ACSL1: variants seen among roughly 807,000 people sequenced by gnomAD.
ACSL1 encodes acyl-CoA synthetase long chain family member 1, also known as long-chain-fatty-acid--CoA ligase 1.
A neutral mutation model predicts 98.4 loss-of-function variants in ACSL1; 41 were observed. The ratio of observed to expected loss-of-function variants is 0.42; its 90% confidence interval spans 0.32 to 0.54. ACSL1 has a LOEUF of 0.54. Among genes scored for constraint, ACSL1 ranks in the 20% least tolerant of loss-of-function variants. The pLI is 0.13. For missense variants in ACSL1, 734 were observed against 883.1 expected (o/e 0.83, Z 2.14); for synonymous variants, 316 against 322.7 (o/e 0.98, Z 0.22).
Position 184,756,991 on chromosome 4 carries a change from A to G in ACSL1, c.*134T>C. ...TTCCTCTAGCATTCCTATGAGAAGA[A>G]CCCCGAATGGACAAGTCAAACACGA... On this transcript the variant is annotated 3_prime_UTR_variant, in exon 21 of 21. Transcript: ENST00000281455. 1 of 1,142,284 alleles carries G rather than the reference A, an allele frequency of 8.8e-7. No homozygotes were observed. The highest frequency in any genetic ancestry group is 1.2e-6 in the Non-Finnish European group (1 of 824,454). 70.8% of individuals were successfully genotyped at this position (1,142,284 alleles called of 1,614,324 possible). A position where few individuals can be genotyped will look rare whatever the true frequency, so the allele number is the denominator to read the frequency against.
At chr4:184,776,692 A>G (rs1219426697) in intron 6 of ACSL1, 30 bp from the exon 7 acceptor site, 2 of 1,594,124 alleles carry the variant, frequency 1.3e-6, no homozygotes, top group Non-Finnish European at 1.7e-6. Context: ...ATGAAGAATA[A>G]GCTCTGGGAT....
At chr4:184,823,307 T>G (rs1039114650) in intron 1 of ACSL1, among the ~76,000 whole-genome samples, 1 of 152,250 alleles carries the variant, frequency 6.6e-6, no homozygotes. Flanking sequence ...AGGAGCCTCA[T>G]GCACTGCATC....
intron 3 of ACSL1, among the ~76,000 whole-genome samples, chr4:184,787,910 G>A (rs932715769): frequency 9.9e-5 from 15 of 151,964 alleles, no homozygotes; most frequent in Middle Eastern, 3.4e-3. Context: ...GCTCACACCT[G>A]TAGTCCCAGT....
rs1773396818 is a variant in ACSL1, at chr4:184,825,432, T to A, written c.-33+484A>T. Among the ~76,000 whole-genome samples the A allele has an allele frequency of 6.6e-6, 1 of 151,802 alleles. No individual in the cohort carries two copies. Among genetic ancestry groups the A allele is most frequent in the East Asian group, 1.9e-4 (1 of 5,130 alleles). On this transcript the variant is annotated intron_variant, in intron 1 of 20. Coordinates refer to ENST00000281455, the MANE Select transcript of ACSL1 (RefSeq NM_001995.5). The surrounding 1 kb of genome is among the most constrained non-coding windows in gnomAD (Gnocchi z 4.7). Reference sequence around the variant, plus strand: ...GCCGCCGCGCTGCGTGGGGCCGGCATCTCAGCGGGCGCGAGTGCAGTCTCG... The same window carrying A: ...GCCGCCGCGCTGCGTGGGGCCGGCAACTCAGCGGGCGCGAGTGCAGTCTCG...
intron 3 of ACSL1, among the ~76,000 whole-genome samples, chr4:184,786,442 A>G (rs888584184): frequency 6.8e-6 from 1 of 146,160 alleles, no homozygotes; most frequent in Non-Finnish European, 1.5e-5. Context: ...ACACACACAC[A>G]CACACACACA....
At chr4:184,780,760 T>TA in intron 4 of ACSL1, among the ~76,000 whole-genome samples, 1 of 152,342 alleles carries the variant, frequency 6.6e-6, no homozygotes, top group Non-Finnish European at 1.5e-5. Flanking sequence ...TTAAAAATGA[T>TA]AGAGAGATGG....
chr4:184,825,761 G>A lies in ACSL1; in HGVS notation c.-33+155C>T, dbSNP rs1167939689. Among the ~76,000 whole-genome samples the A allele has an allele frequency of 6.7e-6, 1 of 149,778 alleles. No homozygotes were observed. Among genetic ancestry groups the A allele is most frequent in the Non-Finnish European group, 1.5e-5 (1 of 67,058 alleles). ...GGGCCGCGGGCAGGAGGCCGGAAAG[G>A]CGGCGCGGCCCCACGAGCCTGGGGT... On this transcript the variant is annotated intron_variant, in intron 1 of 20. Coordinates refer to ENST00000281455, the MANE Select transcript of ACSL1 (RefSeq NM_001995.5). The surrounding 1 kb of genome is among the most constrained non-coding windows in gnomAD (Gnocchi z 4.7).
chr4:184,776,780 T>C (rs1196420966), intron 6 of ACSL1, 104 bp downstream of exon 6: 5 of 1,485,168 alleles, frequency 3.4e-6, no homozygotes, highest in East Asian at 2.4e-5. Context: ...GGTAGATATA[T>C]ATTTACATGT....
intron 17 of ACSL1, among the ~76,000 whole-genome samples, chr4:184,761,832 C>A (rs1198347443): frequency 6.6e-6 from 1 of 150,810 alleles, no homozygotes; most frequent in Non-Finnish European, 1.5e-5. Context: ...TGATGTTAAG[C>A]ATCAAAACGG....
chr4:184,817,857 C>T (rs941442589), intron 1 of ACSL1, among the ~76,000 whole-genome samples: 7 of 152,180 alleles, frequency 4.6e-5, no homozygotes, highest in Non-Finnish European at 1.0e-4. Flanking sequence ...CGCCAGGCTC[C>T]AGGGCTGGCC....
chr4:184,824,648 A>T (rs528277817), intron 1 of ACSL1, among the ~76,000 whole-genome samples: 1 of 152,296 alleles, frequency 6.6e-6, no homozygotes, highest in South Asian at 2.1e-4. Flanking sequence ...AGTCAGAACA[A>T]GAAAGTAAGT....
At chr4:184,810,054 G>C (rs1771892587) in intron 1 of ACSL1, among the ~76,000 whole-genome samples, 1 of 152,186 alleles carries the variant, frequency 6.6e-6, no homozygotes, top group Non-Finnish European at 1.5e-5. Context: ...AATGATATTA[G>C]AACAGGAGAA....
At chr4:184,812,317 T>C in intron 1 of ACSL1, 1 of 775,836 alleles carries the variant, frequency 1.3e-6, no homozygotes. Flanking sequence ...CCTCTGTGAT[T>C]CTGACCGTGT....
At chr4:184,781,902 CGT>C (rs1766334020) in intron 4 of ACSL1, among the ~76,000 whole-genome samples, 1 of 152,210 alleles carries the variant, frequency 6.6e-6, no homozygotes, top group South Asian at 2.1e-4. Flanking sequence ...TGAGCCATAC[CGT>C]GCCTGGCCTG....
rs546202438 is a variant in ACSL1 at position 184,820,253 on chromosome 4, A to G, written c.-33+5663T>C. ...AGGATGGTCTTGATCTCCTGACCTC[A>G]TGATCCGCCCACCTCGGCCTCCCAA... is the stretch of plus-strand genomic sequence containing the variant. On this transcript the variant is annotated intron_variant, in intron 1 of 20. Transcript: ENST00000281455. 3.0e-3 allele frequency among the ~76,000 whole-genome samples: 460 copies of G among 151,850 alleles called. 1 individual carries two copies. Among genetic ancestry groups the G allele is most frequent in the African/African-American group, 6.3e-3 (263 of 41,524 alleles).
rs1770905001 is a variant in ACSL1 at position 184,803,545 on chromosome 4, T to A, written c.-31A>T. 6.9e-7 allele frequency: 1 copy of A among 1,446,398 alleles called. No homozygotes were observed. Among genetic ancestry groups the A allele is most frequent in the Admixed American group, 2.5e-5 (1 of 40,626 alleles). The allele number at this position is 1,446,398 out of a possible 1,614,324, so 89.6% of individuals were successfully genotyped here. Reference sequence around the variant, plus strand: ...TGTGTTGATAGTTCTCTAAGCTGAATTCTGTTGGGAGAGAAAAATGTCACG... The same window carrying A: ...TGTGTTGATAGTTCTCTAAGCTGAAATCTGTTGGGAGAGAAAAATGTCACG... On this transcript the variant is annotated splice_region_variant and 5_prime_UTR_variant, in exon 2 of 21. Transcript: ENST00000281455. The surrounding 1 kb of genome is among the most constrained non-coding windows in gnomAD (Gnocchi z 4.8).
At chr4:184,781,421 T>C (rs1766254555) in intron 4 of ACSL1, among the ~76,000 whole-genome samples, 1 of 151,906 alleles carries the variant, frequency 6.6e-6, no homozygotes, top group Non-Finnish European at 1.5e-5. Flanking sequence ...AGGACAATAT[T>C]ACAATGATAA....
chr4:184,814,021 T>C (rs1326649588), intron 1 of ACSL1: 2 of 393,354 alleles, frequency 5.1e-6, no homozygotes, highest in Non-Finnish European at 1.1e-5. Context: ...CTGGGCACAG[T>C]GGCTCACGCC....
In ACSL1 at chr4:184,773,192, T is replaced by A; in HGVS notation, c.842-38A>T. ...TATGAAGCAGAACAAAGTTAAAGAA[T>A]GACAGAAATGAAGGAGGCCCAGAAA... On this transcript the variant is annotated intron_variant, in intron 9 of 20. Transcript: ENST00000281455. The surrounding 1 kb of genome is among the most constrained non-coding windows in gnomAD (Gnocchi z 4.3). 6.4e-7 allele frequency: 1 copy of A among 1,574,616 alleles called. No individual in the cohort carries two copies. Among genetic ancestry groups the A allele is most frequent in the South Asian group, 1.1e-5 (1 of 89,884 alleles).
Sources: gnomAD v4.1 joint callset for allele counts (sites outside exome capture counted in the v4.1 genomes callset) on GRCh38, gnomAD v4.1.1 for gene constraint, Gnocchi (gnomAD v3.1) non-coding constraint, MANE v1.5 for transcripts, NCBI Gene and HGNC (gene_info 2026-07-23, HGNC 2026-07-21) for gene names.